NBEAL1: variants seen among roughly 807,000 people sequenced by gnomAD.
NBEAL1 encodes neurobeachin like 1.
Under a neutral mutation model 351.3 loss-of-function variants are expected in NBEAL1, and 273 were observed. The observed-to-expected ratio is 0.78, with a 90% CI of 0.70 to 0.86. NBEAL1 has a LOEUF of 0.86. Among genes scored for constraint, NBEAL1 ranks in the 40% least tolerant of loss-of-function variants. The pLI is 0.00. For missense variants in NBEAL1, 2,961 were observed against 3,201.3 expected (o/e 0.92, Z 1.81); for synonymous variants, 1,050 against 1,086.4 (o/e 0.97, Z 0.66).
intron 46 of NBEAL1, chr2:203,190,768 G>A: frequency 1.2e-6 from 2 of 1,609,870 alleles, no homozygotes; most frequent in Admixed American, 3.3e-5. Flanking sequence ...TCCAACACCA[G>A]CCGCCTCCAC....
chr2:203,148,150 A>G (rs2063556441), intron 33 of NBEAL1, among the ~76,000 whole-genome samples: 1 of 141,986 alleles, frequency 7.0e-6, no homozygotes, highest in Non-Finnish European at 1.5e-5. Flanking sequence ...GACAACCACA[A>G]GTTATTGAGA....
intron 44 of NBEAL1, among the ~76,000 whole-genome samples, chr2:203,187,051 A>G (rs566865885): frequency 2.0e-5 from 3 of 152,302 alleles, no homozygotes; most frequent in Non-Finnish European, 2.9e-5. Context: ...GCCTTAGGCA[A>G]TTTCTCATTT....
rs752816417 is a variant in NBEAL1, at chr2:203,219,380, G to A, written c.*2026G>A. ...AAGTTTTCTAAAACTTAGATAATTA[G>A]AAAAAATGCCTAAGTTTATGATGTT... On this transcript the variant is annotated 3_prime_UTR_variant, in exon 56 of 56. Transcript: ENST00000683969. The A allele has an allele frequency of 2.0e-5, 3 of 151,820 alleles. No individual in the cohort carries two copies. Among genetic ancestry groups the A allele is most frequent in the Non-Finnish European group, 4.4e-5 (3 of 67,972 alleles). 9.4% of individuals were successfully genotyped at this position (151,820 alleles called of 1,614,324 possible). A position where few individuals can be genotyped will look rare whatever the true frequency, so the allele number is the denominator to read the frequency against.
intron 6 of NBEAL1, among the ~76,000 whole-genome samples, chr2:203,065,518 C>T (rs563616339): frequency 3.0e-4 from 45 of 152,126 alleles, no homozygotes; most frequent in Admixed American, 5.2e-4. Flanking sequence ...TTTGGGAGGC[C>T]GAGGCGGGTG....
chr2:203,117,689 C>G (rs2062731323), intron 18 of NBEAL1, among the ~76,000 whole-genome samples: 1 of 152,010 alleles, frequency 6.6e-6, no homozygotes, highest in Non-Finnish European at 1.5e-5. Context: ...CCACCCCACA[C>G]CGTTTTTTTG....
intron 10 of NBEAL1, among the ~76,000 whole-genome samples, chr2:203,090,520 A>G (rs1423326230): frequency 1.3e-5 from 2 of 152,168 alleles, no homozygotes; most frequent in Non-Finnish European, 2.9e-5. Context: ...TATAGGAAAA[A>G]AGGTAAATAG....
chr2:203,055,964 G>A (rs1209742074), intron 4 of NBEAL1, among the ~76,000 whole-genome samples: 1 of 152,062 alleles, frequency 6.6e-6, no homozygotes, highest in Non-Finnish European at 1.5e-5. Context: ...ATCCTTAAAA[G>A]GAAACCGTAA....
At chr2:203,069,356 G>T (rs1263521938) in intron 7 of NBEAL1, among the ~76,000 whole-genome samples, 1 of 152,118 alleles carries the variant, frequency 6.6e-6, no homozygotes, top group African/African-American at 2.4e-5. Flanking sequence ...AGGTAATGAA[G>T]CTCCATAGTA....
At chr2:203,032,408 A>G (rs996151393) in intron 2 of NBEAL1, among the ~76,000 whole-genome samples, 1 of 152,136 alleles carries the variant, frequency 6.6e-6, no homozygotes, top group African/African-American at 2.4e-5. Context: ...CTGTAATCCC[A>G]GCACTTTGGG....
intron 51 of NBEAL1, 85 bp downstream of exon 51, chr2:203,202,866 T>G: frequency 2.6e-6 from 2 of 775,694 alleles, no homozygotes; most frequent in South Asian, 1.5e-5. Flanking sequence ...GACATCGAAT[T>G]GTTTTCTGGC....
At chr2:203,097,303 T>G (rs1051436479) in intron 10 of NBEAL1, among the ~76,000 whole-genome samples, 2 of 152,198 alleles carry the variant, frequency 1.3e-5, no homozygotes, top group South Asian at 4.1e-4. Flanking sequence ...TATTAACTAG[T>G]CCTAATTATT....
At chr2:203,041,632 G>A in intron 2 of NBEAL1, 133 bp from the exon 3 acceptor site, 1 of 629,912 alleles carries the variant, frequency 1.6e-6, no homozygotes, top group Non-Finnish European at 2.8e-6. Context: ...TTTTAAAACA[G>A]CACATATGTA....
chr2:203,096,346 G>GT (rs2062184427), intron 10 of NBEAL1, among the ~76,000 whole-genome samples: 1 of 152,086 alleles, frequency 6.6e-6, no homozygotes. Flanking sequence ...CCTCTATGCA[G>GT]TTTATTTTAT....
intron 10 of NBEAL1, among the ~76,000 whole-genome samples, chr2:203,090,581 T>A (rs1209534415): frequency 6.6e-6 from 1 of 152,206 alleles, no homozygotes; most frequent in Admixed American, 6.5e-5. Flanking sequence ...TAGGCATTTT[T>A]AAAGTCTTTT....
chr2:203,109,013 A>G (rs969297609), intron 14 of NBEAL1, among the ~76,000 whole-genome samples: 1 of 152,056 alleles, frequency 6.6e-6, no homozygotes, highest in African/African-American at 2.4e-5. Flanking sequence ...CTGCACTTCA[A>G]CCTGGGTGAC....
At chr2:203,124,631 G>A (rs1575005626) in intron 19 of NBEAL1, among the ~76,000 whole-genome samples, 2 of 152,152 alleles carry the variant, frequency 1.3e-5, no homozygotes, top group South Asian at 4.2e-4. Flanking sequence ...AATGTGAAGA[G>A]GTTGTTTGAA....
Position 203,132,100 on chromosome 2 carries a change from T to C in NBEAL1, c.3692T>C (p.Ile1231Thr). ...LNEALVNTSL[I>T]KNLTHQIINT... ...GAAGCACTTGTTAATACTTCTCTTA[T>C]TAAAAACCTCACCCATCAAATCATA... Residue 1231 changes from isoleucine (I) to threonine (T), a missense_variant, in exon 26 of 56, where the codon ATT becomes ACT. Coordinates refer to ENST00000683969, the MANE Select transcript of NBEAL1 (RefSeq NM_001378026.1). 6.5e-7 allele frequency: 1 copy of C among 1,540,832 alleles called. No individual in the cohort carries two copies. The highest frequency in any genetic ancestry group is 2.0e-5 in the Admixed American group (1 of 50,370).
In NBEAL1 at chr2:203,083,643, A is replaced by T. The variant is rs750492350; in HGVS notation, c.991+118A>T. 5.3e-5 allele frequency: 40 copies of T among 761,118 alleles called. No individual in the cohort carries two copies. The Middle Eastern group carries it at 1.6e-3, about 30-fold the overall frequency. 47.1% of individuals were successfully genotyped at this position (761,118 alleles called of 1,614,324 possible). A position where few individuals can be genotyped will look rare whatever the true frequency, so the allele number is the denominator to read the frequency against. On this transcript the variant is annotated intron_variant, in intron 9 of 55. Coordinates refer to ENST00000683969, the MANE Select transcript of NBEAL1 (RefSeq NM_001378026.1). ...GTATTGATTGTTTAATTCAGATATC[A>T]TATGACTGCTTAGACTTTGACTTCA...
rs575170360 is a variant in NBEAL1 at position 203,141,768 on chromosome 2, TAAAA to T, written c.4849-2830_4849-2827del. Reference sequence around the variant, plus strand: ...TTGTGTAATTTTATTCTCTCAGAAATAAAAACATATTTCCCTGAGGTTGTACACA... The same window carrying T: ...TTGTGTAATTTTATTCTCTCAGAAATACATATTTCCCTGAGGTTGTACACA... On this transcript the variant is annotated intron_variant, in intron 31 of 55. Coordinates refer to ENST00000683969, the MANE Select transcript of NBEAL1 (RefSeq NM_001378026.1). 8.3e-4 allele frequency among the ~76,000 whole-genome samples: 126 copies of T among 152,174 alleles called. 3 individuals carry two copies. The South Asian group carries it at 0.025, about 31-fold the overall frequency.
Sources: allele counts gnomAD v4.1 joint callset (sites outside exome capture counted in the v4.1 genomes callset), GRCh38; gene constraint gnomAD v4.1.1; transcripts MANE v1.5; gene names NCBI Gene and HGNC (gene_info 2026-07-23, HGNC 2026-07-21).